The following DPP6 variants were observed in gnomAD, a reference collection of about 807,000 sequenced individuals.
The protein encoded by DPP6 is dipeptidyl peptidase like 6, also known as A-type potassium channel modulatory protein DPP6.
A neutral mutation model predicts 122.6 loss-of-function variants in DPP6; 69 were observed. The observed-to-expected ratio is 0.56, with a 90% confidence interval of 0.46 to 0.69. The LOEUF (loss-of-function observed/expected upper bound fraction) is 0.69. Among genes scored for constraint, DPP6 ranks in the 30% least tolerant of loss-of-function variants. DPP6 has a pLI of 0.00. For missense variants in DPP6, 928 were observed against 1,116.9 expected (o/e 0.83, Z 2.41); for synonymous variants, 418 against 433.1 (o/e 0.97, Z 0.43).
chr7:154,146,704 A>G (rs1399812414), intron 1 of DPP6, among the ~76,000 whole-genome samples: 1 of 152,274 alleles, frequency 6.6e-6, no homozygotes, highest in African/African-American at 2.4e-5. Context: ...TATGCTTGGT[A>G]GACAAGGGAC....
At chr7:154,027,904 T>C (rs1799026508) in intron 1 of DPP6, among the ~76,000 whole-genome samples, 1 of 151,584 alleles carries the variant, frequency 6.6e-6, no homozygotes, top group African/African-American at 2.4e-5. Context: ...CCAAATGTTT[T>C]TCCGTAGTTC....
intron 1 of DPP6, among the ~76,000 whole-genome samples, chr7:154,117,325 G>A (rs1033113659): frequency 2.0e-5 from 3 of 150,896 alleles, no homozygotes; most frequent in Admixed American, 6.6e-5. Context: ...ATTTTATATC[G>A]TTTTAATCAG....
intron 1 of DPP6, among the ~76,000 whole-genome samples, chr7:154,011,534 T>A (rs1006908999): frequency 2.6e-5 from 4 of 151,844 alleles, no homozygotes; most frequent in African/African-American, 9.7e-5. Flanking sequence ...TTCATAAACT[T>A]GAAAAACTCA....
At chr7:154,670,921 C>T (rs1838513329) in intron 7 of DPP6, among the ~76,000 whole-genome samples, 2 of 152,152 alleles carry the variant, frequency 1.3e-5, no homozygotes, top group South Asian at 4.1e-4. Flanking sequence ...GTCTCTAATG[C>T]TAAAACTGAT....
At chr7:154,099,088 T>C (rs1472288389) in intron 1 of DPP6, among the ~76,000 whole-genome samples, 1 of 152,152 alleles carries the variant, frequency 6.6e-6, no homozygotes, top group Non-Finnish European at 1.5e-5. Flanking sequence ...AGAGTAAAAA[T>C]GGAAATTCAG....
chr7:153,963,694 G>A (rs1319801582), intron 1 of DPP6, among the ~76,000 whole-genome samples: 3 of 152,170 alleles, frequency 2.0e-5, no homozygotes, highest in Admixed American at 6.5e-5. Context: ...TGAACTGCAT[G>A]TGCAAGAGAT....
chr7:154,052,877 C>G lies in DPP6; in HGVS notation c.57C>G (p.Pro19=). The G allele has an allele frequency of 6.5e-7, 1 of 1,535,052 alleles. No individual in the cohort carries two copies. The highest frequency in any genetic ancestry group is 8.8e-7 in the Non-Finnish European group (1 of 1,141,108). ...TGKINTSRSF[P]APPEASHLLG... The stretch of plus-strand genomic sequence containing the variant: ...AGATCAACACCTCGAGGTCCTTCCC[C>G]GCGCCCCCGGAGGCGAGTCACCTCC... Residue 19 remains proline (P), a synonymous_variant, in exon 1 of 26, where the codon CCC becomes CCG. Coordinates refer to ENST00000377770, the MANE Select transcript of DPP6 (RefSeq NM_130797.4). The surrounding 1 kb of genome is among the most constrained non-coding windows in gnomAD (Gnocchi z 4.8).
rs147237364 is a variant in DPP6, at chr7:154,196,457, T to G, written c.243+143394T>G. Among the ~76,000 whole-genome samples the G allele has an allele frequency of 1.2e-3, 189 of 152,340 alleles. 5 individuals carry two copies. The East Asian group carries it at 0.034, about 27-fold the overall frequency. ...GTGAGCTGAGATTGTGCCGCTGCACTCCAGCCTGGGTGACAGAGCAAGACT... is the reference window on the plus strand; with the variant it reads ...GTGAGCTGAGATTGTGCCGCTGCACGCCAGCCTGGGTGACAGAGCAAGACT... On this transcript the variant is annotated intron_variant, in intron 1 of 25. Coordinates refer to ENST00000377770, the MANE Select transcript of DPP6 (RefSeq NM_130797.4).
At chr7:154,703,631 A>AG (rs200006581) in intron 7 of DPP6, among the ~76,000 whole-genome samples, 3 of 151,446 alleles carry the variant, frequency 2.0e-5, no homozygotes, top group African/African-American at 7.3e-5. Context: ...AAAAAAAAAA[A>AG]AAAAGAAAAG....
chr7:154,293,323 C>T (rs1442206376), intron 1 of DPP6, among the ~76,000 whole-genome samples: 1 of 152,172 alleles, frequency 6.6e-6, no homozygotes, highest in East Asian at 1.9e-4. Flanking sequence ...TTCGTCCTTG[C>T]TCCTTTCAGA....
intron 8 of DPP6, among the ~76,000 whole-genome samples, chr7:154,730,591 G>A (rs980584208): frequency 1.3e-5 from 2 of 152,078 alleles, no homozygotes; most frequent in Admixed American, 1.3e-4. Flanking sequence ...AAGGAAAAAA[G>A]ATGTTTAAAA....
intron 1 of DPP6, among the ~76,000 whole-genome samples, chr7:154,146,596 G>A (rs1245685238): frequency 6.6e-6 from 1 of 152,244 alleles, no homozygotes; most frequent in Non-Finnish European, 1.5e-5. Flanking sequence ...ATACACTGGA[G>A]GGCAATTGTC....
chr7:154,087,877 A>G (rs911012092), intron 1 of DPP6, among the ~76,000 whole-genome samples: 1 of 152,238 alleles, frequency 6.6e-6, no homozygotes, highest in African/African-American at 2.4e-5. Context: ...GTGACATCCC[A>G]TCCTGAGAAC....
At chr7:154,778,808 T>G (rs1796765713) in intron 10 of DPP6, among the ~76,000 whole-genome samples, 1 of 139,754 alleles carries the variant, frequency 7.2e-6, no homozygotes, top group South Asian at 2.4e-4. Context: ...CTCCACAACC[T>G]CTACAACTTC....
At chr7:154,734,182 A>G (rs993746159) in intron 8 of DPP6, among the ~76,000 whole-genome samples, 3 of 152,246 alleles carry the variant, frequency 2.0e-5, no homozygotes, top group Non-Finnish European at 4.4e-5. Context: ...ACAGGCTCTC[A>G]CTATGTTGCC....
At chr7:154,664,913 T>C (rs891628827) in intron 6 of DPP6, among the ~76,000 whole-genome samples, 1 of 152,232 alleles carries the variant, frequency 6.6e-6, no homozygotes, top group African/African-American at 2.4e-5. Flanking sequence ...TGATCAAGAA[T>C]AGGAAATTAA....
chr7:154,811,629 A>G (rs1010343393), intron 16 of DPP6, among the ~76,000 whole-genome samples: 4 of 152,260 alleles, frequency 2.6e-5, no homozygotes, highest in Non-Finnish European at 5.9e-5. Flanking sequence ...CATGTGAATC[A>G]GGATCAAGTG....
intron 5 of DPP6, among the ~76,000 whole-genome samples, chr7:154,629,907 G>T (rs150428964): frequency 2.0e-5 from 3 of 152,264 alleles, no homozygotes; most frequent in African/African-American, 7.2e-5. Flanking sequence ...ATGGGATTCC[G>T]GTTTGCCAAG....
chr7:154,217,035 T>A (rs1800045448), intron 1 of DPP6, among the ~76,000 whole-genome samples: 1 of 152,018 alleles, frequency 6.6e-6, no homozygotes, highest in Non-Finnish European at 1.5e-5. Context: ...GTGAGAGAAA[T>A]GCTTACCTTG....
Sources: gnomAD v4.1 joint callset for allele counts (sites outside exome capture counted in the v4.1 genomes callset) on GRCh38, gnomAD v4.1.1 for gene constraint, Gnocchi (gnomAD v3.1) non-coding constraint, MANE v1.5 for transcripts, NCBI Gene and HGNC (gene_info 2026-07-23, HGNC 2026-07-21) for gene names.